MYO1D: variants seen among roughly 807,000 people sequenced by gnomAD.
MYO1D encodes unconventional myosin-Id.
MYO1D carries 83 observed loss-of-function variants against 122.0 expected under a neutral mutation model. The ratio of observed to expected loss-of-function variants is 0.68; its 90% CI spans 0.57 to 0.82. The LOEUF (loss-of-function observed/expected upper bound fraction) is 0.82, where lower values mean the gene tolerates loss of function less well. Ranked by LOEUF, MYO1D falls within the 40% of genes least tolerant of loss-of-function variation. The pLI, the probability that MYO1D is intolerant of heterozygous loss-of-function variation, is 0.00. For synonymous variants in MYO1D, 464 were observed against 446.9 expected (o/e 1.04, Z -0.48); for missense variants, 1,157 against 1,269.5 (o/e 0.91, Z 1.35).
intron 1 of MYO1D, among the ~76,000 whole-genome samples, chr17:32,821,534 TCACACATACACACACA>T (rs921961814): frequency 2.2e-4 from 31 of 143,058 alleles, no homozygotes; most frequent in Non-Finnish European, 3.8e-4. Context: ...GATAAGTAAA[TCACACATACACACACA>T]CACACACACA....
intron 21 of MYO1D, among the ~76,000 whole-genome samples, chr17:32,554,249 T>A (rs1478602424): frequency 1.3e-5 from 2 of 151,924 alleles, no homozygotes; most frequent in Non-Finnish European, 2.9e-5. Flanking sequence ...CTGCACATAG[T>A]GAGAGCTACT....
intron 1 of MYO1D, among the ~76,000 whole-genome samples, chr17:32,849,216 G>A (rs2090963941): frequency 6.6e-6 from 1 of 150,652 alleles, no homozygotes; most frequent in Non-Finnish European, 1.5e-5. Context: ...CACTGTTGGT[G>A]GGACTATAAA....
intron 1 of MYO1D, among the ~76,000 whole-genome samples, chr17:32,861,194 G>A (rs970337775): frequency 2.7e-5 from 4 of 150,646 alleles, no homozygotes; most frequent in African/African-American, 4.9e-5. Flanking sequence ...TCAGCCTCCC[G>A]AGCTGGGACT....
intron 1 of MYO1D, among the ~76,000 whole-genome samples, chr17:32,875,517 G>C (rs2466831): frequency 0.33 from 50,384 of 152,078 alleles, 8,579 homozygotes; most frequent in Admixed American, 0.41. Flanking sequence ...AGTGGAACTA[G>C]AATTTGAATC....
At position 32,693,903 on chromosome 17, in the gene MYO1D, T is replaced by C. The variant is rs1379731945; in HGVS notation, c.2121+18085A>G. Among the ~76,000 whole-genome samples the C allele has an allele frequency of 3.9e-5, 6 of 152,374 alleles. No individual in the cohort carries two copies. In the East Asian group the frequency reaches 1.2e-3, roughly 29 times the overall value. ...GGGCCGGGTGTGAGGGAATGTACTG[T>C]TGCTTCAATGTTAAGTTGTTGCTGA... On this transcript the variant is annotated intron_variant, in intron 16 of 21. Coordinates refer to ENST00000318217, the MANE Select transcript of MYO1D (RefSeq NM_015194.3).
intron 11 of MYO1D, among the ~76,000 whole-genome samples, chr17:32,753,657 T>C (rs1451525795): frequency 6.6e-6 from 1 of 152,102 alleles, no homozygotes; most frequent in Non-Finnish European, 1.5e-5. Flanking sequence ...CCAGCACTTG[T>C]GGAGACCCAT....
rs370883452 is a variant in MYO1D at position 32,764,365 on chromosome 17, G to A, written c.1035+513C>T. On this transcript the variant is annotated intron_variant, in intron 8 of 21. Coordinates refer to ENST00000318217, the MANE Select transcript of MYO1D (RefSeq NM_015194.3). ...GTGGTGATCCACTGCAAAGCGTGGT[G>A]ACTGTTAATAATAATACTAATAATA... Among the ~76,000 whole-genome samples, 22 of 152,302 alleles carry A rather than the reference G, an allele frequency of 1.4e-4. No homozygotes were observed. In the South Asian group the frequency reaches 4.4e-3, roughly 30 times the overall value.
chr17:32,511,189 C>A (rs151054026), intron 21 of MYO1D, among the ~76,000 whole-genome samples: 3 of 151,902 alleles, frequency 2.0e-5, no homozygotes, highest in Admixed American at 2.0e-4. Context: ...CCTTCTTCTA[C>A]CTCCCCTACT....
intron 1 of MYO1D, among the ~76,000 whole-genome samples, chr17:32,863,741 G>A (rs117535000): frequency 0.024 from 3,613 of 152,170 alleles, 50 homozygotes; most frequent in Non-Finnish European, 0.036. Context: ...GAAAAGGCAC[G>A]AACATCTGAG....
intron 4 of MYO1D, among the ~76,000 whole-genome samples, 175 bp downstream of exon 4, chr17:32,775,689 A>G (rs9893486): frequency 0.037 from 5,639 of 152,260 alleles, 333 homozygotes; most frequent in African/African-American, 0.13. Context: ...CCAACTTGAC[A>G]GTGTAAGTGC....
chr17:32,757,631 C>A lies in MYO1D; in HGVS notation c.1297-1969G>T, dbSNP rs148469385. Among the ~76,000 whole-genome samples the A allele has an allele frequency of 3.5e-3, 529 of 152,258 alleles. 3 individuals carry two copies. Among genetic ancestry groups the A allele is most frequent in the African/African-American group, 0.012 (494 of 41,542 alleles). On this transcript the variant is annotated intron_variant, in intron 10 of 21. Transcript: ENST00000318217. ...CTATATTAATAGTTGACATCTTAGA[C>A]TTCGGGACTGTGAAATTAAAGACGA...
chr17:32,782,662 G>A (rs2009786), intron 1 of MYO1D, among the ~76,000 whole-genome samples: 4,139 of 152,278 alleles, frequency 0.027, 136 homozygotes, highest in East Asian at 0.19. Flanking sequence ...CTGGCCAGAC[G>A]CAGTGGCTCT....
intron 12 of MYO1D, among the ~76,000 whole-genome samples, chr17:32,747,413 T>C (rs549418661): frequency 6.6e-6 from 1 of 152,170 alleles, no homozygotes; most frequent in African/African-American, 2.4e-5. Flanking sequence ...AAAAGTTTCA[T>C]ATCAAATTCC....
At chr17:32,806,636 C>T (rs894327567) in intron 1 of MYO1D, among the ~76,000 whole-genome samples, 2 of 152,144 alleles carry the variant, frequency 1.3e-5, no homozygotes, top group Admixed American at 6.5e-5. Flanking sequence ...CTCAGCCTCC[C>T]GAAGTGCAGG....
chr17:32,818,125 C>CAAAAAAAAAAAAAAAGAAA (rs2090629068), intron 1 of MYO1D, among the ~76,000 whole-genome samples: 1 of 46,018 alleles, frequency 2.2e-5, no homozygotes, highest in African/African-American at 6.7e-5. Flanking sequence ...GACTCCGTCT[C>CAAAAAAAAAAAAAAAGAAA]AAAAAAAAAA....
intron 1 of MYO1D, among the ~76,000 whole-genome samples, chr17:32,849,114 G>T (rs887717525): frequency 2.0e-5 from 3 of 151,940 alleles, no homozygotes; most frequent in African/African-American, 7.3e-5. Flanking sequence ...ACCACTATGA[G>T]ATATCATCTC....
intron 20 of MYO1D, among the ~76,000 whole-genome samples, chr17:32,621,312 T>C (rs2087852816): frequency 6.6e-6 from 1 of 152,122 alleles, no homozygotes; most frequent in East Asian, 1.9e-4. Flanking sequence ...TGCCATATTC[T>C]GCACCCTCTC....
chr17:32,824,749 C>T (rs187190834), intron 1 of MYO1D, among the ~76,000 whole-genome samples: 1 of 152,208 alleles, frequency 6.6e-6, no homozygotes, highest in African/African-American at 2.4e-5. Flanking sequence ...AAACCATATA[C>T]AGAACATTAT....
At chr17:32,847,783 G>A (rs2151079017) in intron 1 of MYO1D, among the ~76,000 whole-genome samples, 1 of 152,152 alleles carries the variant, frequency 6.6e-6, no homozygotes, top group East Asian at 1.9e-4. Flanking sequence ...CCAAAATGCT[G>A]AGATTACAGT....
Sources: gnomAD v4.1 joint callset for allele counts (sites outside exome capture counted in the v4.1 genomes callset) on GRCh38, gnomAD v4.1.1 for gene constraint, MANE v1.5 for transcripts, NCBI Gene and HGNC (gene_info 2026-07-23, HGNC 2026-07-21) for gene names.